The following GAS2 variants were observed in gnomAD, a reference collection of about 807,000 sequenced individuals.
The protein encoded by GAS2 is growth arrest-specific protein 2.
Under a neutral mutation model 37.5 loss-of-function variants are expected in GAS2, and 20 were observed. The observed-to-expected ratio is 0.53, with a 90% CI of 0.37 to 0.77. The LOEUF (loss-of-function observed/expected upper bound fraction) is 0.77. GAS2 is among the 30% of genes least tolerant of loss of function. The pLI, the probability that GAS2 is intolerant of heterozygous loss-of-function variation, is 0.00. For missense variants in GAS2, 336 were observed against 373.4 expected (o/e 0.90, Z 0.82); for synonymous variants, 144 against 132.2 (o/e 1.09, Z -0.61).
chr11:22,787,541 CAT>C (rs934092409), intron 7 of GAS2, among the ~76,000 whole-genome samples: 84 of 150,364 alleles, frequency 5.6e-4, no homozygotes, highest in Non-Finnish European at 7.5e-4. Context: ...CACAGAGAAA[CAT>C]ATGTGCTGGA....
intron 1 of GAS2, among the ~76,000 whole-genome samples, chr11:22,629,255 C>T (rs1241593611): frequency 6.6e-6 from 1 of 152,144 alleles, no homozygotes; most frequent in African/African-American, 2.4e-5. Context: ...TACTGTTTTC[C>T]ATAGAGGTTA....
chr11:22,729,756 C>A (rs1852387042), intron 4 of GAS2, among the ~76,000 whole-genome samples: 1 of 91,774 alleles, frequency 1.1e-5, no homozygotes, highest in East Asian at 3.4e-4. Flanking sequence ...TACCTTATTA[C>A]TAAAGGTAGA....
At chr11:22,710,573 G>C (rs1851356995) in intron 3 of GAS2, among the ~76,000 whole-genome samples, 1 of 151,832 alleles carries the variant, frequency 6.6e-6, no homozygotes, top group Non-Finnish European at 1.5e-5. Context: ...CTGTGGAAGA[G>C]ACAGAAAAAC....
At chr11:22,670,186 A>G (rs1204434548) in intron 1 of GAS2, among the ~76,000 whole-genome samples, 1 of 152,184 alleles carries the variant, frequency 6.6e-6, no homozygotes, top group Non-Finnish European at 1.5e-5. Context: ...AACACATGAA[A>G]CTGAATAGAT....
intron 2 of GAS2, among the ~76,000 whole-genome samples, chr11:22,679,813 G>C (rs891567733): frequency 1.4e-5 from 2 of 139,968 alleles, no homozygotes; most frequent in African/African-American, 4.9e-5. Context: ...GGATAATGCA[G>C]GGACTTTGAA....
chr11:22,781,746 T>C (rs1285509077), intron 7 of GAS2, among the ~76,000 whole-genome samples: 3 of 148,640 alleles, frequency 2.0e-5, no homozygotes, highest in Non-Finnish European at 4.4e-5. Flanking sequence ...CCAAAAAATA[T>C]TATATTTTTT....
chr11:22,710,813 ACT>A (rs1851367731), intron 3 of GAS2, among the ~76,000 whole-genome samples: 1 of 152,110 alleles, frequency 6.6e-6, no homozygotes, highest in African/African-American at 2.4e-5. Flanking sequence ...AAAAGAAATC[ACT>A]GTTTTTCCTT....
At chr11:22,627,512 C>G (rs1329605063) in intron 1 of GAS2, among the ~76,000 whole-genome samples, 2 of 152,068 alleles carry the variant, frequency 1.3e-5, no homozygotes, top group African/African-American at 4.8e-5. Context: ...GCCTGTAATC[C>G]CAGCACTTTG....
chr11:22,740,440 G>T (rs989086114), intron 5 of GAS2, among the ~76,000 whole-genome samples: 1 of 152,016 alleles, frequency 6.6e-6, no homozygotes, highest in Non-Finnish European at 1.5e-5. Flanking sequence ...AACTTGGATG[G>T]TGTGAACTAT....
chr11:22,716,949 A>C (rs1006584174), intron 3 of GAS2, among the ~76,000 whole-genome samples: 1 of 152,198 alleles, frequency 6.6e-6, no homozygotes, highest in Non-Finnish European at 1.5e-5. Flanking sequence ...AAAGAAGTGA[A>C]AGACTTCTAC....
At chr11:22,635,209 T>A (rs1409073204) in intron 1 of GAS2, among the ~76,000 whole-genome samples, 1 of 152,132 alleles carries the variant, frequency 6.6e-6, no homozygotes, top group South Asian at 2.1e-4. Flanking sequence ...CTAGGGTAGA[T>A]GGAGGTGCAA....
rs376914875 is a variant in GAS2, at chr11:22,713,968, G to GA, written c.268-12316dup. On this transcript the variant is annotated intron_variant, in intron 3 of 7. Coordinates refer to ENST00000454584, the MANE Select transcript of GAS2 (RefSeq NM_001143830.3). Reference sequence around the variant, plus strand: ...ACAATGAGAAACAATAACACAATGAGAAAAAAAACAGGGTATTCAGGTAAC... The same window carrying GA: ...ACAATGAGAAACAATAACACAATGAGAAAAAAAAACAGGGTATTCAGGTAAC... Among the ~76,000 whole-genome samples, 215 of 151,240 alleles carry GA rather than the reference G, an allele frequency of 1.4e-3. 1 individual carries two copies. Among genetic ancestry groups the GA allele is most frequent in the African/African-American group, 4.9e-3 (204 of 41,314 alleles).
chr11:22,795,679 C>T (rs1315786866), intron 7 of GAS2, among the ~76,000 whole-genome samples: 1 of 152,020 alleles, frequency 6.6e-6, no homozygotes, highest in Non-Finnish European at 1.5e-5. Flanking sequence ...GAGTCCAGAT[C>T]TTCTAGGAAA....
chr11:22,653,111 TC>T, intron 1 of GAS2, among the ~76,000 whole-genome samples: 1 of 151,116 alleles, frequency 6.6e-6, no homozygotes, highest in East Asian at 1.9e-4. Context: ...TTTCCTCCCT[TC>T]CTTCCTCCCT....
At chr11:22,674,722 G>T (rs1010106603) in intron 1 of GAS2, 128 bp from the exon 2 acceptor site, 4 of 657,842 alleles carry the variant, frequency 6.1e-6, no homozygotes, top group South Asian at 5.3e-5. Flanking sequence ...TGTTTCATGG[G>T]GTTAATAATT....
chr11:22,658,855 T>C (rs1487311804), intron 1 of GAS2, among the ~76,000 whole-genome samples: 2 of 152,232 alleles, frequency 1.3e-5, no homozygotes, highest in African/African-American at 4.8e-5. Flanking sequence ...TCCTGAAAGA[T>C]GCAATTCTAA....
At chr11:22,656,730 G>A (rs1848859632) in intron 1 of GAS2, among the ~76,000 whole-genome samples, 1 of 152,166 alleles carries the variant, frequency 6.6e-6, no homozygotes, top group African/African-American at 2.4e-5. Context: ...TCATATTACA[G>A]TGCACATCAC....
intron 1 of GAS2, among the ~76,000 whole-genome samples, chr11:22,647,916 T>A (rs1471029964): frequency 6.6e-6 from 1 of 152,204 alleles, no homozygotes; most frequent in Non-Finnish European, 1.5e-5. Flanking sequence ...GTGCAGAAGC[T>A]CTTGAGTTTA....
upstream of GAS2, among the ~76,000 whole-genome samples, chr11:22,664,330 A>AG (rs1199888430): frequency 1.9e-3 from 2 of 1,036 alleles, no homozygotes; most frequent in Non-Finnish European, 0.083. Flanking sequence ...CATAGGAGGG[A>AG]AAAATAACGT....
Sources: allele counts gnomAD v4.1 joint callset (sites outside exome capture counted in the v4.1 genomes callset), GRCh38; gene constraint gnomAD v4.1.1; transcripts MANE v1.5; gene names NCBI Gene and HGNC (gene_info 2026-07-23, HGNC 2026-07-21).